Variants in SLC24A2 observed in about 807,000 individuals in gnomAD.
SLC24A2 encodes sodium/potassium/calcium exchanger 2.
A neutral mutation model predicts 62.0 loss-of-function variants in SLC24A2; 36 were observed. The ratio of observed to expected loss-of-function variants is 0.58; its 90% CI spans 0.44 to 0.77. The LOEUF (loss-of-function observed/expected upper bound fraction) is 0.77. Among genes scored for constraint, SLC24A2 ranks in the 30% least tolerant of loss-of-function variants. SLC24A2 has a pLI of 0.00. For synonymous variants in SLC24A2, 358 were observed against 294.0 expected (o/e 1.22, Z -2.23); for missense variants, 846 against 817.9 (o/e 1.03, Z -0.42).
chr9:20,140,687 T>C, the SLC24A2 span, among the ~76,000 whole-genome samples: 6 of 152,190 alleles, frequency 3.9e-5, no homozygotes, highest in African/African-American at 1.4e-4. Flanking sequence ...AAACTTGGCC[T>C]GAGCCATCCC....
the SLC24A2 span, among the ~76,000 whole-genome samples, chr9:20,127,828 T>A: frequency 6.6e-6 from 1 of 152,122 alleles, no homozygotes; most frequent in African/African-American, 2.4e-5. Context: ...ATTACTAGCA[T>A]TTTTAGTCTT....
chr9:20,037,851 G>A, the SLC24A2 span, among the ~76,000 whole-genome samples: 1 of 152,166 alleles, frequency 6.6e-6, no homozygotes, highest in Non-Finnish European at 1.5e-5. Context: ...CATTCCACAA[G>A]GAAGAGCCCA....
At chr9:19,772,347 T>A (rs550217590) in intron 2 of SLC24A2, among the ~76,000 whole-genome samples, 1 of 152,294 alleles carries the variant, frequency 6.6e-6, no homozygotes, top group South Asian at 2.1e-4. Context: ...TCACTCTAGA[T>A]AAAAATGTGC....
At chr9:20,297,254 T>G in the SLC24A2 span, among the ~76,000 whole-genome samples, 1 of 152,106 alleles carries the variant, frequency 6.6e-6, no homozygotes, top group Non-Finnish European at 1.5e-5. Context: ...AAGGGAAGGT[T>G]ACAGATTGAG....
chr9:19,892,814 G>C, the SLC24A2 span, among the ~76,000 whole-genome samples: 1 of 152,112 alleles, frequency 6.6e-6, no homozygotes, highest in Non-Finnish European at 1.5e-5. Flanking sequence ...CAGATGGTAA[G>C]TGGCACATCA....
At chr9:20,049,134 C>T in the SLC24A2 span, among the ~76,000 whole-genome samples, 1 of 152,068 alleles carries the variant, frequency 6.6e-6, no homozygotes, top group African/African-American at 2.4e-5. Context: ...GCTTATCTAG[C>T]AACAGACAAG....
the SLC24A2 span, among the ~76,000 whole-genome samples, chr9:20,205,649 T>TAAAAAAAAAAAAAAAAAAAAAAAA: frequency 1.5e-5 from 1 of 65,306 alleles, no homozygotes. Context: ...AGACTCCATC[T>TAAAAAAAAAAAAAAAAAAAAAAAA]AAAAAAAAAA....
At chr9:19,893,813 G>C in the SLC24A2 span, among the ~76,000 whole-genome samples, 1 of 152,148 alleles carries the variant, frequency 6.6e-6, no homozygotes, top group African/African-American at 2.4e-5. Flanking sequence ...GTTAGGGTCA[G>C]GCTTCCCAAT....
At chr9:20,235,569 T>C in the SLC24A2 span, among the ~76,000 whole-genome samples, 1 of 152,316 alleles carries the variant, frequency 6.6e-6, no homozygotes, top group East Asian at 1.9e-4. Flanking sequence ...CGGTTTTTAA[T>C]CCCATTGGAA....
intron 2 of SLC24A2, among the ~76,000 whole-genome samples, chr9:19,674,147 T>C (rs968657994): frequency 3.3e-5 from 5 of 152,200 alleles, no homozygotes; most frequent in African/African-American, 1.2e-4. Flanking sequence ...TTTCTCTAGA[T>C]ACAAAATTCT....
At chr9:20,051,657 CTTTTTTTT>C in the SLC24A2 span, among the ~76,000 whole-genome samples, 1 of 73,510 alleles carries the variant, frequency 1.4e-5, no homozygotes, top group South Asian at 4.6e-4. Flanking sequence ...TTTTCTTTCT[CTTTTTTTT>C]TTTTTTTTTT....
At chr9:20,005,006 A>G in the SLC24A2 span, among the ~76,000 whole-genome samples, 3 of 152,204 alleles carry the variant, frequency 2.0e-5, no homozygotes, top group African/African-American at 4.8e-5. Flanking sequence ...GGTTATCACA[A>G]TGAAATAATT....
At chr9:20,001,497 T>C in the SLC24A2 span, among the ~76,000 whole-genome samples, 1 of 152,132 alleles carries the variant, frequency 6.6e-6, no homozygotes, top group East Asian at 1.9e-4. Context: ...AGCATAACTG[T>C]CCCCAAGGTG....
the SLC24A2 span, among the ~76,000 whole-genome samples, chr9:20,244,871 A>C: frequency 1.3e-5 from 2 of 152,162 alleles, no homozygotes; most frequent in Non-Finnish European, 2.9e-5. Context: ...TTTAAAAAAA[A>C]TCTGTGGTTT....
At chr9:20,229,094 G>C in the SLC24A2 span, among the ~76,000 whole-genome samples, 1 of 152,110 alleles carries the variant, frequency 6.6e-6, no homozygotes, top group African/African-American at 2.4e-5. Flanking sequence ...GATTCCTGAG[G>C]GGAGTACATA....
chr9:20,263,794 C>T, the SLC24A2 span, among the ~76,000 whole-genome samples: 1 of 149,506 alleles, frequency 6.7e-6, no homozygotes. Context: ...CCATCCTGAA[C>T]ACTTCCATTG....
chr9:19,828,075 T>G, the SLC24A2 span, among the ~76,000 whole-genome samples: 1 of 152,182 alleles, frequency 6.6e-6, no homozygotes, highest in Non-Finnish European at 1.5e-5. Flanking sequence ...TTTTTTAATG[T>G]ACAAATAGTC....
At chr9:19,880,723 G>A in the SLC24A2 span, among the ~76,000 whole-genome samples, 1 of 152,186 alleles carries the variant, frequency 6.6e-6, no homozygotes, top group Non-Finnish European at 1.5e-5. Context: ...GGCATAGACA[G>A]GGGCCATTTA....
chr9:20,121,139 T>C, the SLC24A2 span, among the ~76,000 whole-genome samples: 1 of 148,978 alleles, frequency 6.7e-6, no homozygotes, highest in African/African-American at 2.5e-5. Context: ...TAGAATCACC[T>C]CCTAATTTCT....
Sources: gnomAD v4.1 joint callset for allele counts (sites outside exome capture counted in the v4.1 genomes callset) on GRCh38, gnomAD v4.1.1 for gene constraint, MANE v1.5 for transcripts, NCBI Gene and HGNC (gene_info 2026-07-23, HGNC 2026-07-21) for gene names.